Variants in JAZF1 observed in about 807,000 individuals in gnomAD.
The protein encoded by JAZF1 is JAZF zinc finger 1.
JAZF1 carries 8 observed loss-of-function variants against 26.4 expected under a neutral mutation model. The observed-to-expected ratio is 0.30, with a 90% CI of 0.18 to 0.55. JAZF1 has a LOEUF of 0.55. JAZF1 is among the 20% of genes least tolerant of loss of function. The pLI, the probability that JAZF1 is intolerant of heterozygous loss-of-function variation, is 0.94. For missense variants in JAZF1, 199 were observed against 322.0 expected (o/e 0.62, Z 2.92); for synonymous variants, 126 against 122.3 (o/e 1.03, Z -0.20).
chr7:27,842,641 T>C (rs7799957), intron 3 of JAZF1: 106,461 of 152,118 alleles, frequency 0.7, 37,538 homozygotes, highest in Middle Eastern at 0.78. Context: ...TGGTACCACT[T>C]GGCCACGTTG....
chr7:27,941,856 G>C (rs986966747), intron 2 of JAZF1, among the ~76,000 whole-genome samples: 1 of 152,180 alleles, frequency 6.6e-6, no homozygotes, highest in Non-Finnish European at 1.5e-5. Flanking sequence ...GCCAGCTTCA[G>C]CACGGCCCAC....
At chr7:28,175,525 T>C (rs1457680171) in intron 1 of JAZF1, among the ~76,000 whole-genome samples, 1 of 152,228 alleles carries the variant, frequency 6.6e-6, no homozygotes, top group African/African-American at 2.4e-5. Context: ...GCTGCTACTA[T>C]CCTCATTTTA....
chr7:27,834,682 C>T lies in JAZF1; in HGVS notation c.556-1706G>A, dbSNP rs141027418. ...GTAGATATGCCCTGCCAGTCCCTGG[C>T]GGTTCCATCCCCTCCGAGGCCCAGG... On this transcript the variant is annotated intron_variant, in intron 4 of 4. Transcript: ENST00000283928. Among the ~76,000 whole-genome samples the T allele has an allele frequency of 1.6e-3, 240 of 152,320 alleles. 1 individual carries two copies. Among genetic ancestry groups the T allele is most frequent in the African/African-American group, 5.3e-3 (221 of 41,572 alleles).
At chr7:28,133,812 T>C (rs1386829623) in intron 1 of JAZF1, among the ~76,000 whole-genome samples, 1 of 152,204 alleles carries the variant, frequency 6.6e-6, no homozygotes. Flanking sequence ...AACAGTCTTC[T>C]TCCAGAGAGT....
chr7:28,095,759 C>T (rs1314394128), intron 1 of JAZF1, among the ~76,000 whole-genome samples: 1 of 152,228 alleles, frequency 6.6e-6, no homozygotes, highest in Non-Finnish European at 1.5e-5. Context: ...CATCAGTCAG[C>T]TTAGGCTGCC....
At chr7:28,059,059 T>C (rs1783759535) in intron 1 of JAZF1, among the ~76,000 whole-genome samples, 1 of 152,210 alleles carries the variant, frequency 6.6e-6, no homozygotes, top group Non-Finnish European at 1.5e-5. Flanking sequence ...TGACTTTATA[T>C]ATTTTGGGGT....
intron 3 of JAZF1, among the ~76,000 whole-genome samples, chr7:27,862,397 G>A (rs544730470): frequency 1.9e-4 from 29 of 150,326 alleles, no homozygotes; most frequent in African/African-American, 6.1e-4. Context: ...TACTGCTGCC[G>A]TCTTTATGTC....
At chr7:28,173,310 T>C (rs1441160134) in intron 1 of JAZF1, among the ~76,000 whole-genome samples, 1 of 152,106 alleles carries the variant, frequency 6.6e-6, no homozygotes. Flanking sequence ...AGCACTAACA[T>C]AGGAAATACT....
intron 1 of JAZF1, among the ~76,000 whole-genome samples, chr7:28,026,831 G>A (rs183680071): frequency 6.6e-5 from 10 of 152,318 alleles, no homozygotes; most frequent in Admixed American, 6.5e-4. Context: ...ACTGGTGAGT[G>A]GTCAGGAGAT....
intron 4 of JAZF1, among the ~76,000 whole-genome samples, chr7:27,837,980 G>A (rs1385235984): frequency 1.3e-5 from 2 of 151,140 alleles, no homozygotes; most frequent in Non-Finnish European, 2.9e-5. Context: ...ACATTAACAA[G>A]CTAATACACT....
chr7:28,157,326 C>A (rs1783201935), intron 1 of JAZF1, among the ~76,000 whole-genome samples: 1 of 152,188 alleles, frequency 6.6e-6, no homozygotes, highest in African/African-American at 2.4e-5. Context: ...TTGTAAAGAG[C>A]CAGACAGTGA....
At chr7:27,990,080 T>C (rs561342822) in intron 2 of JAZF1, among the ~76,000 whole-genome samples, 12 of 152,314 alleles carry the variant, frequency 7.9e-5, no homozygotes, top group African/African-American at 2.6e-4. Context: ...GTGGCACATA[T>C]ACACCATGGA....
At chr7:28,055,128 AGAG>A (rs1037773360) in intron 1 of JAZF1, among the ~76,000 whole-genome samples, 3 of 152,172 alleles carry the variant, frequency 2.0e-5, no homozygotes, top group African/African-American at 7.2e-5. Context: ...ACTAAATGAC[AGAG>A]GATGGCTCCA....
At chr7:28,108,254 C>T (rs140334524) in intron 1 of JAZF1, among the ~76,000 whole-genome samples, 1 of 152,292 alleles carries the variant, frequency 6.6e-6, no homozygotes, top group African/African-American at 2.4e-5. Context: ...CCAGTTAATG[C>T]CCCGATTGGA....
intron 2 of JAZF1, among the ~76,000 whole-genome samples, chr7:27,951,764 T>C (rs1188452273): frequency 1.3e-5 from 2 of 152,190 alleles, no homozygotes; most frequent in Non-Finnish European, 2.9e-5. Flanking sequence ...AGCCATCTCC[T>C]AGTTTTAGAA....
At chr7:27,958,206 A>G (rs984360040) in intron 2 of JAZF1, among the ~76,000 whole-genome samples, 1 of 152,204 alleles carries the variant, frequency 6.6e-6, no homozygotes, top group Non-Finnish European at 1.5e-5. Context: ...ATATTTTAAC[A>G]TTCATTCCTG....
intron 3 of JAZF1, chr7:27,841,995 G>A (rs1398742865): frequency 1.3e-5 from 2 of 152,162 alleles, no homozygotes; most frequent in Non-Finnish European, 2.9e-5. Context: ...GGGCCTGCCT[G>A]GGTGCTTCAG....
At chr7:28,068,726 A>G (rs777242322) in intron 1 of JAZF1, among the ~76,000 whole-genome samples, 1 of 151,032 alleles carries the variant, frequency 6.6e-6, no homozygotes, top group Non-Finnish European at 1.5e-5. Flanking sequence ...GGAGGAGGAC[A>G]AAGGAAAAAA....
chr7:28,159,218 G>A (rs1783239831), intron 1 of JAZF1, among the ~76,000 whole-genome samples: 1 of 151,996 alleles, frequency 6.6e-6, no homozygotes, highest in African/African-American at 2.4e-5. Flanking sequence ...ATGCTGAGGG[G>A]ATATTCATAG....
Sources: gnomAD v4.1 joint callset for allele counts (sites outside exome capture counted in the v4.1 genomes callset) on GRCh38, gnomAD v4.1.1 for gene constraint, MANE v1.5 for transcripts, NCBI Gene and HGNC (gene_info 2026-07-23, HGNC 2026-07-21) for gene names.